CUBN: variants seen among roughly 807,000 people sequenced by gnomAD.
The protein encoded by CUBN is 460 kDa receptor.
In CUBN, 282 loss-of-function variants were observed where a neutral mutation model predicts 405.3. That is an observed-to-expected ratio of 0.70 (90% CI 0.63 to 0.77). The LOEUF (loss-of-function observed/expected upper bound fraction) is 0.77, where lower values mean the gene tolerates loss of function less well. Ranked by LOEUF, CUBN falls within the 30% of genes least tolerant of loss-of-function variation. The pLI, the probability that CUBN is intolerant of heterozygous loss-of-function variation, is 0.00. For missense variants in CUBN, 4,514 were observed against 4,475.2 expected, an observed-to-expected ratio of 1.01 and a Z score of -0.25; for synonymous variants, 1,684 against 1,617.0, an observed-to-expected ratio of 1.04 and a Z score of -0.99.
chr10:16,895,800 A>G (rs1291615537), intron 54 of CUBN, among the ~76,000 whole-genome samples: 3 of 152,148 alleles, frequency 2.0e-5, no homozygotes, highest in Non-Finnish European at 4.4e-5. Context: ...AAATCAGTTT[A>G]TTATCACTTA....
At chr10:17,050,390 G>A (rs775499379) in intron 22 of CUBN, among the ~76,000 whole-genome samples, 9 of 152,166 alleles carry the variant, frequency 5.9e-5, no homozygotes, top group Non-Finnish European at 1.2e-4. Flanking sequence ...CCACAGAAGG[G>A]AGCTGAAGTC....
At chr10:17,019,332 T>G (rs1834431120) in intron 28 of CUBN, among the ~76,000 whole-genome samples, 2 of 152,176 alleles carry the variant, frequency 1.3e-5, no homozygotes, top group South Asian at 4.1e-4. Flanking sequence ...TGCCCCTGGC[T>G]TTGTGCATCG....
intron 31 of CUBN, among the ~76,000 whole-genome samples, chr10:16,967,300 C>T (rs1707277): frequency 0.34 from 52,405 of 152,060 alleles, 9,226 homozygotes; most frequent in Middle Eastern, 0.46. Context: ...ACTCTAAAAA[C>T]TTGCAGTTGT....
chr10:17,110,611 T>C (rs1277107662), intron 9 of CUBN, among the ~76,000 whole-genome samples: 3 of 152,134 alleles, frequency 2.0e-5, no homozygotes, highest in Non-Finnish European at 4.4e-5. Flanking sequence ...CACTGCAATC[T>C]CCGCTTCCCA....
chr10:17,007,412 G>A (rs900612403), intron 28 of CUBN, among the ~76,000 whole-genome samples: 1 of 152,184 alleles, frequency 6.6e-6, no homozygotes, highest in African/African-American at 2.4e-5. Flanking sequence ...AAGCCTCGTT[G>A]TAGATCCGTT....
intron 6 of CUBN, chr10:17,122,426 T>G (rs894945983): frequency 5.5e-6 from 2 of 366,376 alleles, no homozygotes; most frequent in Non-Finnish European, 1.1e-5. Flanking sequence ...ACTGGTGTGG[T>G]GGGGTGTCCC....
At chr10:16,963,488 C>A (rs1336908957) in intron 31 of CUBN, among the ~76,000 whole-genome samples, 1 of 152,016 alleles carries the variant, frequency 6.6e-6, no homozygotes, top group African/African-American at 2.4e-5. Flanking sequence ...TGCCCGGCCT[C>A]ATATATAAAT....
chr10:16,887,209 T>C (rs1460147326), intron 56 of CUBN, among the ~76,000 whole-genome samples: 2 of 152,264 alleles, frequency 1.3e-5, no homozygotes, highest in Non-Finnish European at 2.9e-5. Context: ...GGTGTGTGTG[T>C]GCACACGTAT....
intron 29 of CUBN, among the ~76,000 whole-genome samples, chr10:16,984,998 G>T (rs1397703741): frequency 1.3e-5 from 2 of 152,194 alleles, no homozygotes; most frequent in East Asian, 3.9e-4. Flanking sequence ...TTCTGCTCAG[G>T]GATTGCCCTA....
chr10:16,825,829 T>A (rs1838760518), intron 66 of CUBN, among the ~76,000 whole-genome samples: 2 of 152,102 alleles, frequency 1.3e-5, no homozygotes, highest in Admixed American at 1.3e-4. Context: ...ATGACTGGCT[T>A]CTCCTGCCTC....
chr10:17,101,701 G>C (rs1002959134), intron 13 of CUBN, among the ~76,000 whole-genome samples: 1 of 152,134 alleles, frequency 6.6e-6, no homozygotes, highest in African/African-American at 2.4e-5. Flanking sequence ...CCTTGGACTT[G>C]GATCTTAATT....
At chr10:16,947,147 A>G (rs1842807869) in intron 36 of CUBN, 88 bp downstream of exon 36, 1 of 1,367,142 alleles carries the variant, frequency 7.3e-7, no homozygotes, top group South Asian at 1.2e-5. Context: ...TTTCACGTAC[A>G]CTATGAGTTG....
intron 28 of CUBN, among the ~76,000 whole-genome samples, chr10:17,014,942 G>A (rs767353077): frequency 1.3e-5 from 2 of 152,196 alleles, no homozygotes; most frequent in Non-Finnish European, 2.9e-5. Flanking sequence ...GTCCAGAACA[G>A]CAAACCAATC....
intron 59 of CUBN, among the ~76,000 whole-genome samples, chr10:16,853,434 C>T (rs1839776155): frequency 6.6e-6 from 1 of 152,136 alleles, no homozygotes. Flanking sequence ...GTACTTGGAC[C>T]TTGGCAGTAA....
At chr10:16,953,917 G>GGGGAGGAC (rs1842984130) in intron 32 of CUBN, among the ~76,000 whole-genome samples, 1 of 142,172 alleles carries the variant, frequency 7.0e-6, no homozygotes, top group South Asian at 2.2e-4. Context: ...GGGAAGAAGA[G>GGGGAGGAC]GGGAGGAAGG....
Position 16,835,124 on chromosome 10 carries a change from C to A in CUBN, c.10252G>T (p.Asp3418Tyr), listed in dbSNP as rs745433438. The A allele has an allele frequency of 1.9e-5, 31 of 1,613,986 alleles. No individual in the cohort carries two copies. In the South Asian group the frequency reaches 3.2e-4, roughly 17 times the overall value. The change falls in exon 64 of 67, where the codon GAC (aspartate) becomes TAC (tyrosine). Residue 3418 changes from aspartate (D) to tyrosine (Y), a missense_variant. Physicochemically the swap from Asp to Tyr is radical, Grantham distance 160. This residue lies in a region of CUBN where 1,186 missense variants were observed against 1,186.9 expected (regional missense o/e 1.00). Coordinates refer to ENST00000377833, the MANE Select transcript of CUBN (RefSeq NM_001081.4). Reference sequence around the variant, plus strand: ...GTGAGAGTAACGGTGCAATCCTTGTCATTGTCGTAGTTATCTGGCCATCCA... The same window carrying A: ...GTGAGAGTAACGGTGCAATCCTTGTAATTGTCGTAGTTATCTGGCCATCCA... ...SPGWPDNYDN[D>Y]KDCTVTLTAP... is the part of the protein sequence containing the mutation.
At chr10:16,967,879 G>C (rs543511168) in intron 31 of CUBN, among the ~76,000 whole-genome samples, 23 of 150,836 alleles carry the variant, frequency 1.5e-4, no homozygotes, top group African/African-American at 5.4e-4. Flanking sequence ...CAGGGAGAGA[G>C]AGAGAAGGAG....
At chr10:16,972,158 C>T (rs1035041422) in intron 31 of CUBN, among the ~76,000 whole-genome samples, 2 of 152,180 alleles carry the variant, frequency 1.3e-5, no homozygotes, top group African/African-American at 4.8e-5. Context: ...TCAGCCTCCT[C>T]TCCTCTGATC....
At chr10:16,983,993 G>C in intron 30 of CUBN, 112 bp downstream of exon 30, 1 of 1,188,858 alleles carries the variant, frequency 8.4e-7, no homozygotes, top group Admixed American at 1.7e-5. Flanking sequence ...GCTGCCCTTT[G>C]GGATGTCACT....
Sources: gnomAD v4.1 joint callset for allele counts (sites outside exome capture counted in the v4.1 genomes callset) on GRCh38, gnomAD v4.1.1 for gene constraint, gnomAD v4.1.1 regional missense constraint, MANE v1.5 for transcripts, NCBI Gene and HGNC (gene_info 2026-07-23, HGNC 2026-07-21) for gene names.